CSMD1: variants seen among roughly 807,000 people sequenced by gnomAD.
CSMD1 encodes CUB and Sushi multiple domains 1, also known as CUB and sushi domain-containing protein 1.
Under a neutral mutation model 417.5 loss-of-function variants are expected in CSMD1, and 213 were observed. The ratio of observed to expected loss-of-function variants is 0.51; its 90% confidence interval spans 0.46 to 0.57. The LOEUF is 0.57. Among genes scored for constraint, CSMD1 ranks in the 20% least tolerant of loss-of-function variants. The probability of loss-of-function intolerance (pLI) is 0.00; values close to 1 mark genes in which losing one functional copy is unlikely to be tolerated. For missense variants in CSMD1, 6,923 were observed against 4,529.7 expected (o/e 1.53, Z -15.17); for synonymous variants, 2,862 against 1,736.8 (o/e 1.65, Z -16.11).
At chr8:3,335,535 G>A (rs1375783352) in intron 23 of CSMD1, among the ~76,000 whole-genome samples, 1 of 152,042 alleles carries the variant, frequency 6.6e-6, no homozygotes, top group Admixed American at 6.5e-5. Context: ...AAATTAGCCG[G>A]GTGTGGTGTT....
chr8:4,681,329 A>G lies in CSMD1; in HGVS notation c.86-43771T>C, dbSNP rs549258486. 2.0e-5 allele frequency among the ~76,000 whole-genome samples: 3 copies of G among 152,292 alleles called. No individual in the cohort carries two copies. In the South Asian group the frequency reaches 6.2e-4, roughly 32 times the overall value. On this transcript the variant is annotated intron_variant, in intron 1 of 69. Transcript: ENST00000635120. ...GAAAAGAGGTAGTACAATATCTGATATAAGTGGTGTTGAAACCACCAATAT... is the reference window on the plus strand; with the variant it reads ...GAAAAGAGGTAGTACAATATCTGATGTAAGTGGTGTTGAAACCACCAATAT...
At chr8:3,753,799 A>G (rs189269785) in intron 6 of CSMD1, 131 bp downstream of exon 6, 20 of 582,946 alleles carry the variant, frequency 3.4e-5, no homozygotes, top group Non-Finnish European at 5.7e-5. Context: ...ATTTCCAAAG[A>G]TAACTGTGAA....
At chr8:4,943,282 T>C (rs941535157) in intron 1 of CSMD1, among the ~76,000 whole-genome samples, 4 of 152,052 alleles carry the variant, frequency 2.6e-5, no homozygotes, top group Non-Finnish European at 4.4e-5. Flanking sequence ...GATCACGAGG[T>C]CAGGAGATCA....
At chr8:3,466,397 A>G in intron 12 of CSMD1, among the ~76,000 whole-genome samples, 1 of 150,444 alleles carries the variant, frequency 6.6e-6, no homozygotes, top group Admixed American at 6.6e-5. Flanking sequence ...TATGCTGTAT[A>G]TATTTTCTGA....
chr8:3,223,284 T>C (rs1291986082), intron 28 of CSMD1, among the ~76,000 whole-genome samples: 1 of 152,164 alleles, frequency 6.6e-6, no homozygotes, highest in Non-Finnish European at 1.5e-5. Flanking sequence ...GAAACTTTCA[T>C]TTTCCAGGCT....
At position 4,677,310 on chromosome 8, in the gene CSMD1, A is replaced by C. The variant is rs549771307; in HGVS notation, c.86-39752T>G. Among the ~76,000 whole-genome samples the C allele has an allele frequency of 2.0e-5, 3 of 151,974 alleles. No individual in the cohort carries two copies. The South Asian group carries it at 6.2e-4, about 32-fold the overall frequency. On this transcript the variant is annotated intron_variant, in intron 1 of 69. Transcript: ENST00000635120. ...AGAAATTAAAGTGAAGAAAGAAATT[A>C]CAATATACAATTAGTTTATCATTAT...
chr8:4,633,061 G>A (rs1442647466), intron 2 of CSMD1, among the ~76,000 whole-genome samples: 2 of 152,122 alleles, frequency 1.3e-5, no homozygotes, highest in African/African-American at 2.4e-5. Flanking sequence ...TAGAAGCCAG[G>A]GCTAGGACAG....
chr8:3,993,095 T>A (rs185315534), intron 5 of CSMD1, among the ~76,000 whole-genome samples: 1 of 152,118 alleles, frequency 6.6e-6, no homozygotes, highest in Non-Finnish European at 1.5e-5. Context: ...AGTCTGAAAA[T>A]GAGTTAGCAG....
At chr8:4,874,384 T>C (rs1052083984) in intron 1 of CSMD1, among the ~76,000 whole-genome samples, 2 of 100,180 alleles carry the variant, frequency 2.0e-5, no homozygotes, top group South Asian at 4.2e-4. Context: ...TTCAATCCGA[T>C]TGTATTTTTT....
intron 3 of CSMD1, among the ~76,000 whole-genome samples, chr8:4,041,145 T>G (rs1014727155): frequency 7.3e-5 from 11 of 150,906 alleles, no homozygotes; most frequent in Admixed American, 1.3e-4. Flanking sequence ...GCCTCCCGAG[T>G]AGCTGGGACT....
At chr8:4,611,318 C>T (rs927451224) in intron 2 of CSMD1, among the ~76,000 whole-genome samples, 1 of 152,160 alleles carries the variant, frequency 6.6e-6, no homozygotes, top group Admixed American at 6.5e-5. Flanking sequence ...GTATTATTCC[C>T]TCTTTGAAGA....
chr8:2,986,799 C>T (rs552777879), intron 54 of CSMD1, among the ~76,000 whole-genome samples: 9 of 152,204 alleles, frequency 5.9e-5, no homozygotes, highest in South Asian at 2.1e-4. Context: ...CCACCGCGCC[C>T]GGCTCTCTAG....
intron 7 of CSMD1, among the ~76,000 whole-genome samples, chr8:3,643,687 T>A (rs1202357549): frequency 3.5e-5 from 4 of 113,348 alleles, no homozygotes; most frequent in African/African-American, 1.6e-4. Flanking sequence ...GGCGACAGCG[T>A]GAGACTCCGT....
At chr8:4,402,120 T>C (rs1475392450) in intron 3 of CSMD1, among the ~76,000 whole-genome samples, 1 of 152,130 alleles carries the variant, frequency 6.6e-6, no homozygotes, top group Non-Finnish European at 1.5e-5. Flanking sequence ...TGTCTTCCAT[T>C]CTCTTTCATT....
chr8:4,990,697 C>T (rs986747865), intron 1 of CSMD1, among the ~76,000 whole-genome samples: 2 of 152,004 alleles, frequency 1.3e-5, no homozygotes, highest in African/African-American at 2.4e-5. Context: ...GGGTTTCCTG[C>T]GAAAGTATCT....
chr8:4,714,625 C>G (rs1442036378), intron 1 of CSMD1, among the ~76,000 whole-genome samples: 1 of 73,810 alleles, frequency 1.4e-5, no homozygotes, highest in African/African-American at 5.5e-5. Context: ...ACCACTCATC[C>G]AAAAACACAG....
chr8:4,724,146 A>G (rs570543878), intron 1 of CSMD1, among the ~76,000 whole-genome samples: 1 of 152,316 alleles, frequency 6.6e-6, no homozygotes, highest in South Asian at 2.1e-4. Flanking sequence ...TCTTGCAAAC[A>G]AAATAAAACA....
intron 12 of CSMD1, among the ~76,000 whole-genome samples, chr8:3,451,478 G>A (rs10093284): frequency 0.42 from 63,990 of 151,986 alleles, 14,058 homozygotes; most frequent in Middle Eastern, 0.5. Flanking sequence ...AATTCATCTT[G>A]AATTAATTTT....
At chr8:3,331,162 C>T (rs994623846) in intron 23 of CSMD1, among the ~76,000 whole-genome samples, 10 of 149,184 alleles carry the variant, frequency 6.7e-5, no homozygotes, top group African/African-American at 2.2e-4. Context: ...GGTGTGAACC[C>T]GGGAGGTGGA....
Sources: gnomAD v4.1 joint callset for allele counts (sites outside exome capture counted in the v4.1 genomes callset) on GRCh38, gnomAD v4.1.1 for gene constraint, MANE v1.5 for transcripts, NCBI Gene and HGNC (gene_info 2026-07-23, HGNC 2026-07-21) for gene names.